CCNYL1: variants seen among roughly 807,000 people sequenced by gnomAD.
The protein encoded by CCNYL1 is cyclin-Y-like protein 1.
In CCNYL1, 16 loss-of-function variants were observed where a neutral mutation model predicts 44.2. That is an observed-to-expected ratio of 0.36 (90% CI 0.25 to 0.55). CCNYL1 has a LOEUF of 0.55. CCNYL1 is among the 20% of genes least tolerant of loss of function. The pLI, the probability that CCNYL1 is intolerant of heterozygous loss-of-function variation, is 0.85. For synonymous variants in CCNYL1, 159 were observed against 163.2 expected (o/e 0.97, Z 0.20); for missense variants, 348 against 451.8 (o/e 0.77, Z 2.08).
In CCNYL1 at chr2:207,737,463, C is replaced by T. The variant is rs1489299463; in HGVS notation, c.467+17C>T. On this transcript the variant is annotated intron_variant, in intron 5 of 9. Transcript: ENST00000295414. ...AAAGAACAGGTGAGCTCCTTTAAAACCTGTCTTGTTATTCCAGCTAATTAC... is the reference window on the plus strand; with the variant it reads ...AAAGAACAGGTGAGCTCCTTTAAAATCTGTCTTGTTATTCCAGCTAATTAC... 2 of 1,603,138 alleles carry T rather than the reference C, an allele frequency of 1.2e-6. No individual in the cohort carries two copies. Among genetic ancestry groups the T allele is most frequent in the Non-Finnish European group, 1.7e-6 (2 of 1,171,926 alleles).
At chr2:207,734,122 A>G in intron 4 of CCNYL1, 75 bp downstream of exon 4, 1 of 853,272 alleles carries the variant, frequency 1.2e-6, no homozygotes, top group South Asian at 1.6e-5. Flanking sequence ...ATCCTCGGTA[A>G]TTTCAGCCAT....
At chr2:207,746,804 C>T (rs565649551) in intron 7 of CCNYL1, among the ~76,000 whole-genome samples, 1 of 152,158 alleles carries the variant, frequency 6.6e-6, no homozygotes, top group African/African-American at 2.4e-5. Context: ...GGAGAAACCC[C>T]GTCTCTACTG....
intron 1 of CCNYL1, among the ~76,000 whole-genome samples, chr2:207,718,975 T>TAA (rs567430818): frequency 1.2e-4 from 17 of 138,876 alleles, no homozygotes; most frequent in East Asian, 2.1e-4. Flanking sequence ...ATGGAGCTGT[T>TAA]AAAAAAAAAA....
At chr2:207,729,019 G>T (rs1488137467) in intron 3 of CCNYL1, among the ~76,000 whole-genome samples, 2 of 152,034 alleles carry the variant, frequency 1.3e-5, no homozygotes, top group African/African-American at 4.8e-5. Flanking sequence ...GGATGGTCTT[G>T]ATCTCCTGAC....
In CCNYL1 at chr2:207,753,989, A is replaced by G; in HGVS notation, c.*291A>G. On this transcript the variant is annotated 3_prime_UTR_variant, in exon 10 of 10. Coordinates refer to ENST00000295414, the MANE Select transcript of CCNYL1 (RefSeq NM_001330218.2). ...ATATTTGCTTACTGTGTGGGCCGAT[A>G]GCTGTGAACTATGTAAGGTTTTTTA... The G allele has an allele frequency of 3.5e-6, 1 of 285,164 alleles. No homozygotes were observed. Among genetic ancestry groups the G allele is most frequent in the Non-Finnish European group, 6.5e-6 (1 of 153,652 alleles). 17.7% of individuals were successfully genotyped at this position (285,164 alleles called of 1,614,324 possible).
intron 7 of CCNYL1, among the ~76,000 whole-genome samples, chr2:207,743,383 G>C (rs1381939135): frequency 6.6e-6 from 1 of 152,198 alleles, no homozygotes; most frequent in East Asian, 1.9e-4. Flanking sequence ...CCGGACTGGA[G>C]CATGAATCTG....
intron 7 of CCNYL1, among the ~76,000 whole-genome samples, chr2:207,746,827 T>C (rs534311806): frequency 6.6e-6 from 1 of 152,092 alleles, no homozygotes; most frequent in East Asian, 1.9e-4. Flanking sequence ...AATACAAAAA[T>C]TAGCTGGGCA....
chr2:207,723,438 G>A (rs964948941), intron 1 of CCNYL1, among the ~76,000 whole-genome samples: 1 of 152,174 alleles, frequency 6.6e-6, no homozygotes, highest in Admixed American at 6.5e-5. Flanking sequence ...CAGGGATAGA[G>A]TATATTGTCA....
intron 3 of CCNYL1, among the ~76,000 whole-genome samples, chr2:207,728,834 G>C (rs552814155): frequency 8.6e-4 from 131 of 151,936 alleles, no homozygotes; most frequent in African/African-American, 3.0e-3. Flanking sequence ...GTCTTGCTCT[G>C]TTGCCAGGCT....
In CCNYL1 at chr2:207,711,991, T is replaced by C; in HGVS notation, c.95T>C (p.Ile32Thr). Residue 32 changes from isoleucine to threonine, a missense_variant, in exon 1 of 10, where the codon ATC (isoleucine) becomes ACC (threonine). Physicochemically the swap from Ile to Thr is moderately conservative, Grantham distance 89. Around this residue, in one of 3 missense-constraint regions of CCNYL1, gnomAD observed 209 missense variants for 247.7 expected, o/e 0.84. Coordinates refer to ENST00000295414, the MANE Select transcript of CCNYL1 (RefSeq NM_001330218.2). Reference protein sequence around the residue: ...GSAELYCASDIYEAVSGDAVA... With the variant: ...GSAELYCASDTYEAVSGDAVA... ...GCGGAGCTGTACTGCGCGTCCGACA[T>C]CTACGAGGCGGTGTCCGGGGACGCG... The C allele has an allele frequency of 6.8e-7, 1 of 1,459,878 alleles. No individual in the cohort carries two copies. The highest frequency in any genetic ancestry group is 9.1e-7 in the Non-Finnish European group (1 of 1,104,632). 90.4% of individuals were successfully genotyped at this position (1,459,878 alleles called of 1,614,324 possible). A position where few individuals can be genotyped will look rare whatever the true frequency, so the allele number is the denominator to read the frequency against.
At chr2:207,748,844 GT>G (rs1464175957) in intron 8 of CCNYL1, among the ~76,000 whole-genome samples, 1 of 152,198 alleles carries the variant, frequency 6.6e-6, no homozygotes, top group Non-Finnish European at 1.5e-5. Context: ...GCTGGTAGCC[GT>G]TTTAGCAAAG....
intron 3 of CCNYL1, among the ~76,000 whole-genome samples, chr2:207,729,741 T>C (rs560902900): frequency 3.2e-4 from 49 of 152,022 alleles, no homozygotes; most frequent in Non-Finnish European, 6.6e-4. Flanking sequence ...AGTCTCATTC[T>C]GTCATCCATA....
intron 2 of CCNYL1, among the ~76,000 whole-genome samples, chr2:207,725,119 A>G (rs2091670354): frequency 7.3e-6 from 1 of 137,514 alleles, no homozygotes; most frequent in Admixed American, 8.9e-5. Flanking sequence ...ATGATTTAGT[A>G]ACATGGATTT....
At chr2:207,747,760 G>A (rs1380811326) in intron 8 of CCNYL1, among the ~76,000 whole-genome samples, 1 of 152,092 alleles carries the variant, frequency 6.6e-6, no homozygotes. Context: ...AGGTTTCACT[G>A]TGTTGGTCAG....
At chr2:207,729,260 GCCCCCACCCCACCCCCCCCACCCCC>G (rs1324024234) in intron 3 of CCNYL1, among the ~76,000 whole-genome samples, 1 of 38,508 alleles carries the variant, frequency 2.6e-5, no homozygotes, top group Non-Finnish European at 4.5e-5. Context: ...GCCCCCCCCC[GCCCCCACCCCACCCCCCCCACCCCC>G]CCGCACTCTC....
chr2:207,735,324 C>G (rs1296830540), intron 4 of CCNYL1, among the ~76,000 whole-genome samples: 1 of 152,196 alleles, frequency 6.6e-6, no homozygotes, highest in Non-Finnish European at 1.5e-5. Context: ...GCGTTATTCT[C>G]ATAGGTTGGG....
intron 3 of CCNYL1, among the ~76,000 whole-genome samples, chr2:207,727,807 G>A (rs2091691934): frequency 6.6e-6 from 1 of 152,026 alleles, no homozygotes; most frequent in African/African-American, 2.4e-5. Context: ...CTGTCCTTTT[G>A]TGTTGGGTCC....
intron 2 of CCNYL1, among the ~76,000 whole-genome samples, chr2:207,725,126 ATT>A (rs34595478): frequency 3.7e-5 from 5 of 135,384 alleles, no homozygotes; most frequent in Non-Finnish European, 1.5e-5. Context: ...AGTAACATGG[ATT>A]TTTTTTTTTT....
At chr2:207,716,061 C>T (rs924747805) in intron 1 of CCNYL1, among the ~76,000 whole-genome samples, 1 of 152,138 alleles carries the variant, frequency 6.6e-6, no homozygotes, top group African/African-American at 2.4e-5. Flanking sequence ...CTTTATTTAA[C>T]GGTATGTCTA....
Sources: gnomAD v4.1 joint callset for allele counts (sites outside exome capture counted in the v4.1 genomes callset) on GRCh38, gnomAD v4.1.1 for gene constraint, gnomAD v4.1.1 regional missense constraint, MANE v1.5 for transcripts, NCBI Gene and HGNC (gene_info 2026-07-23, HGNC 2026-07-21) for gene names.